Variants in ANKK1 observed in about 807,000 individuals in gnomAD.
ANKK1 encodes ankyrin repeat and kinase domain containing 1.
A neutral mutation model predicts 37.6 loss-of-function variants in ANKK1; 37 were observed. The observed-to-expected ratio is 0.98, with a 90% CI of 0.76 to 1.29. The LOEUF (loss-of-function observed/expected upper bound fraction) is 1.29. ANKK1 is among the 50% of genes most tolerant of loss of function. ANKK1 has a pLI of 0.00. For missense variants in ANKK1, 1,019 were observed against 990.6 expected, an observed-to-expected ratio of 1.03 and a Z score of -0.39; for synonymous variants, 415 against 418.7, an observed-to-expected ratio of 0.99 and a Z score of 0.11.
chr11:113,393,472 T>A lies in ANKK1; in HGVS notation c.186-9T>A. 6.2e-7 allele frequency: 1 copy of A among 1,604,238 alleles called. No homozygotes were observed. The highest frequency in any genetic ancestry group is 1.1e-5 in the South Asian group (1 of 89,926). ...ACCCCCTTCCATATCTTGCTCCCCC[T>A]CTCCATAGCTCTGATGTGAATTACC... On this transcript the variant is annotated splice_polypyrimidine_tract_variant and intron_variant, in intron 1 of 7. Transcript: ENST00000303941.
rs202222056 is a variant in ANKK1 at position 113,399,938 on chromosome 11, C to T, written c.1969C>T (p.Gln657Ter). 2.0e-4 allele frequency: 325 copies of T among 1,613,616 alleles called. No homozygotes were observed. In the African/African-American group the frequency reaches 3.9e-3, roughly 19 times the overall value. Residue 657 changes from glutamine (Q) to a stop codon, truncating the protein, a stop_gained, in exon 8 of 8, where the codon CAG becomes TAG. Transcript: ENST00000303941. LOFTEE classifies it low-confidence loss of function (END_TRUNC). ...QCGADPNAAE[Q>*]SGWTPLHLAV... ...TGGGGCTGACCCCAATGCTGCAGAG[C>T]AGTCAGGCTGGACACCCCTCCACCT...
Position 113,400,275 on chromosome 11 carries a change from G to A in ANKK1, c.*8G>A. On this transcript the variant is annotated 3_prime_UTR_variant, in exon 8 of 8. Coordinates refer to ENST00000303941, the MANE Select transcript of ANKK1 (RefSeq NM_178510.2). ...GCCGAGATGGAAATTTAGACAACTT[G>A]GCCAGCCGTGGTGGCTCACGTCTGT... is the stretch of plus-strand genomic sequence containing the variant. 1 of 1,531,934 alleles carries A rather than the reference G, an allele frequency of 6.5e-7. No individual in the cohort carries two copies. The allele number at this position is 1,531,934 out of a possible 1,614,324, so 94.9% of individuals were successfully genotyped here.
At chr11:113,398,314 TAA>T (rs10585601) in intron 7 of ANKK1, among the ~76,000 whole-genome samples, 28,829 of 128,148 alleles carry the variant, frequency 0.22, 3,065 homozygotes, top group East Asian at 0.43. Flanking sequence ...CTCGGGAAAT[TAA>T]AAAAAAAAAA....
chr11:113,391,032 T>C (rs1950583479), intron 1 of ANKK1, among the ~76,000 whole-genome samples: 2 of 152,154 alleles, frequency 1.3e-5, no homozygotes, highest in Admixed American at 1.3e-4. Context: ...TGGAATGGGG[T>C]TGCTTTTTTA....
chr11:113,398,348 C>T (rs963645943), intron 7 of ANKK1, among the ~76,000 whole-genome samples: 2 of 149,914 alleles, frequency 1.3e-5, no homozygotes, highest in South Asian at 4.2e-4. Flanking sequence ...TTGCCTTGGG[C>T]ACACCCTAGA....
intron 1 of ANKK1, among the ~76,000 whole-genome samples, chr11:113,389,305 G>C (rs749976889): frequency 3.9e-5 from 6 of 152,134 alleles, no homozygotes; most frequent in Non-Finnish European, 8.8e-5. Flanking sequence ...GATAATTAAT[G>C]GTAATTAAGA....
In ANKK1 at chr11:113,400,252, C is replaced by G. The variant is rs1464150930; in HGVS notation, c.2283C>G (p.Ala761=). 6.5e-7 allele frequency: 1 copy of G among 1,538,880 alleles called. No homozygotes were observed. The highest frequency in any genetic ancestry group is 1.2e-5 in the South Asian group (1 of 83,644). ...CTCTGGGTGGTTCTAAGCCAGGAGC[C>G]GAGATGGAAATTTAGACAACTTGGC... ...VATLGGSKPG[A]EMEI The change falls in exon 8 of 8, where the codon GCC becomes GCG. Residue 761 remains alanine, a synonymous_variant. Coordinates refer to ENST00000303941, the MANE Select transcript of ANKK1 (RefSeq NM_178510.2).
chr11:113,392,734 T>C (rs1441424977), intron 1 of ANKK1, among the ~76,000 whole-genome samples: 1 of 152,252 alleles, frequency 6.6e-6, no homozygotes, highest in African/African-American at 2.4e-5. Context: ...CAAAGATGTA[T>C]TGTGCAATGC....
At chr11:113,393,369 A>C (rs1591259717) in intron 1 of ANKK1, 112 bp from the exon 2 acceptor site, 6 of 1,177,692 alleles carry the variant, frequency 5.1e-6, no homozygotes, top group Non-Finnish European at 7.2e-6. Flanking sequence ...CAAGCTCCTG[A>C]GGCTTCTGTG....
chr11:113,395,272 C>A (rs1014622675), intron 3 of ANKK1, 87 bp from the exon 4 acceptor site: 1 of 1,553,542 alleles, frequency 6.4e-7, no homozygotes, highest in South Asian at 1.1e-5. Flanking sequence ...ACTGTGTGAA[C>A]TGTAGCCCCC....
chr11:113,395,329 T>A (rs1032695045), intron 3 of ANKK1, 30 bp from the exon 4 acceptor site: 3 of 1,613,448 alleles, frequency 1.9e-6, no homozygotes, highest in Non-Finnish European at 1.7e-6. Context: ...TTCAACTAAG[T>A]CATTCAGAAA....
At chr11:113,391,445 G>A (rs968916414) in intron 1 of ANKK1, among the ~76,000 whole-genome samples, 1 of 152,072 alleles carries the variant, frequency 6.6e-6, no homozygotes. Context: ...GAGAGGAAGC[G>A]GGAGAAACAG....
chr11:113,395,108 C>T (rs1014968816), intron 3 of ANKK1, 28 bp downstream of exon 3: 1 of 1,575,768 alleles, frequency 6.3e-7, no homozygotes, highest in Non-Finnish European at 8.6e-7. Context: ...CGTGATGCCA[C>T]ACACCCAGCA....
chr11:113,400,071 T>A lies in ANKK1; in HGVS notation c.2102T>A (p.Leu701His), dbSNP rs1391833796. 7 of 1,613,324 alleles carry A rather than the reference T, an allele frequency of 4.3e-6. No homozygotes were observed. The South Asian group carries it at 7.7e-5, about 18-fold the overall frequency. The change falls in exon 8 of 8, where the codon CTC becomes CAC. Residue 701 changes from leucine (L) to histidine (H), a missense_variant. Coordinates refer to ENST00000303941, the MANE Select transcript of ANKK1 (RefSeq NM_178510.2). ...VGWTPAHLAALKGNTAILKVL... is the reference protein window; with the variant it reads ...VGWTPAHLAAHKGNTAILKVL... Reference sequence around the variant, plus strand: ...TGGACACCCGCCCACCTGGCCGCCCTCAAGGGCAACACAGCCATCCTCAAA... The same window carrying A: ...TGGACACCCGCCCACCTGGCCGCCCACAAGGGCAACACAGCCATCCTCAAA...
At chr11:113,396,584 C>A (rs914517048) in intron 5 of ANKK1, among the ~76,000 whole-genome samples, 4 of 152,078 alleles carry the variant, frequency 2.6e-5, no homozygotes, top group African/African-American at 9.7e-5. Context: ...AAGTGATCCT[C>A]CAGCCTCATC....
Position 113,399,517 on chromosome 11 carries a change from G to A in ANKK1, c.1548G>A (p.Gln516=). ...HVSLVKLLTS[Q]GAELDAQQRN... Reference sequence around the variant, plus strand: ...GCCTGGTCAAGCTGCTGACCAGCCAGGGGGCTGAGTTGGATGCTCAGCAGA... The same window carrying A: ...GCCTGGTCAAGCTGCTGACCAGCCAAGGGGCTGAGTTGGATGCTCAGCAGA... The change falls in exon 8 of 8, where the codon CAG becomes CAA. Residue 516 remains glutamine (Q), a synonymous_variant. Transcript: ENST00000303941. The A allele has an allele frequency of 9.4e-6, 15 of 1,595,032 alleles. No homozygotes were observed. Among genetic ancestry groups the A allele is most frequent in the Non-Finnish European group, 1.2e-5 (14 of 1,171,238 alleles).
Position 113,399,538 on chromosome 11 carries a change from G to C in ANKK1, c.1569G>C (p.Gln523His), listed in dbSNP as rs199570081. The C allele has an allele frequency of 1.8e-4, 289 of 1,598,442 alleles. 1 individual carries two copies. Among genetic ancestry groups the C allele is most frequent in the Non-Finnish European group, 2.4e-4 (280 of 1,172,952 alleles). Residue 523 changes from glutamine to histidine, a missense_variant, in exon 8 of 8, where the codon CAG (glutamine) becomes CAC (histidine). By Grantham distance (24) the Gln-to-His change is conservative. Transcript: ENST00000303941. Reference sequence around the variant, plus strand: ...GCCAGGGGGCTGAGTTGGATGCTCAGCAGAGAAACCTGAGAACACCACTGC... The same window carrying C: ...GCCAGGGGGCTGAGTTGGATGCTCACCAGAGAAACCTGAGAACACCACTGC... ...LTSQGAELDA[Q>H]QRNLRTPLHL...
chr11:113,397,835 C>G lies in ANKK1; in HGVS notation c.958-145C>G, dbSNP rs1025590769. The G allele has an allele frequency of 7.6e-6, 7 of 917,328 alleles. No homozygotes were observed. In the African/African-American group the frequency reaches 1.1e-4, roughly 15 times the overall value. The allele number at this position is 917,328 out of a possible 1,614,324, so 56.8% of individuals were successfully genotyped here. A position where few individuals can be genotyped will look rare whatever the true frequency, so the allele number is the denominator to read the frequency against. On this transcript the variant is annotated intron_variant, in intron 6 of 7. Coordinates refer to ENST00000303941, the MANE Select transcript of ANKK1 (RefSeq NM_178510.2). ...TCTAGACAGCTGGGGATAGTCATGG[C>G]AAAGGATAAAGGTTTCCCAGGATAG...
Position 113,388,089 on chromosome 11 carries a change from C to T in ANKK1, c.185+20C>T. Reference sequence around the variant, plus strand: ...CGCCAGGTACTGCCAGCCTCGCCCTCCCCTTTCTCGGAGGAGAAACTGAGG... The same window carrying T: ...CGCCAGGTACTGCCAGCCTCGCCCTTCCCTTTCTCGGAGGAGAAACTGAGG... On this transcript the variant is annotated intron_variant, in intron 1 of 7. Transcript: ENST00000303941. The T allele has an allele frequency of 2.8e-6, 4 of 1,452,754 alleles. No homozygotes were observed. Among genetic ancestry groups the T allele is most frequent in the Non-Finnish European group, 2.7e-6 (3 of 1,101,358 alleles). 90.0% of individuals were successfully genotyped at this position (1,452,754 alleles called of 1,614,324 possible). A position where few individuals can be genotyped will look rare whatever the true frequency, so the allele number is the denominator to read the frequency against.
Sources: allele counts gnomAD v4.1 joint callset (sites outside exome capture counted in the v4.1 genomes callset), GRCh38; gene constraint gnomAD v4.1.1; transcripts MANE v1.5; gene names NCBI Gene and HGNC (gene_info 2026-07-23, HGNC 2026-07-21).